Variants in SUFU observed in about 807,000 individuals in gnomAD.
SUFU encodes SUFU negative regulator of hedgehog signaling, also known as suppressor of fused homolog.
Under a neutral mutation model 58.9 loss-of-function variants are expected in SUFU, and 7 were observed. The observed-to-expected ratio is 0.12, with a 90% CI of 0.07 to 0.22. The LOEUF (loss-of-function observed/expected upper bound fraction) is 0.22. Among genes scored for constraint, SUFU ranks in the 10% least tolerant of loss-of-function variants. The pLI, the probability that SUFU is intolerant of heterozygous loss-of-function variation, is 1.00. For synonymous variants in SUFU, 232 were observed against 254.8 expected, an observed-to-expected ratio of 0.91 and a Z score of 0.85; for missense variants, 451 against 641.3, an observed-to-expected ratio of 0.70 and a Z score of 3.20.
intron 10 of SUFU, among the ~76,000 whole-genome samples, chr10:102,626,816 T>G (rs1327140622): frequency 6.6e-6 from 1 of 152,170 alleles, no homozygotes; most frequent in East Asian, 1.9e-4. Flanking sequence ...TTTAATTTTT[T>G]TTCCTTTTAA....
At chr10:102,518,789 C>T (rs1029026511) in intron 2 of SUFU, among the ~76,000 whole-genome samples, 2 of 151,744 alleles carry the variant, frequency 1.3e-5, no homozygotes, top group Middle Eastern at 3.4e-3. Context: ...TCAAGCCATC[C>T]CAAAGTGCTG....
chr10:102,565,336 C>T (rs776442962), intron 3 of SUFU, among the ~76,000 whole-genome samples: 8 of 152,132 alleles, frequency 5.3e-5, no homozygotes, highest in Non-Finnish European at 1.2e-4. Context: ...TCAGAGGTCC[C>T]GAGAAATGAG....
intron 1 of SUFU, among the ~76,000 whole-genome samples, chr10:102,508,757 G>A (rs913166553): frequency 6.6e-6 from 1 of 152,240 alleles, no homozygotes; most frequent in African/African-American, 2.4e-5. Context: ...CATTGGGGAT[G>A]CTTGGGATGG....
At chr10:102,610,866 G>A (rs1208643030) in intron 8 of SUFU, among the ~76,000 whole-genome samples, 1 of 152,206 alleles carries the variant, frequency 6.6e-6, no homozygotes, top group African/African-American at 2.4e-5. Flanking sequence ...GGGAGAACGG[G>A]TCCCAGGGCA....
chr10:102,524,214 C>T (rs562814837), intron 2 of SUFU, among the ~76,000 whole-genome samples: 2 of 152,060 alleles, frequency 1.3e-5, no homozygotes, highest in East Asian at 1.9e-4. Context: ...CTATGTTACC[C>T]AGGCTGGTCT....
intron 2 of SUFU, among the ~76,000 whole-genome samples, chr10:102,522,427 C>A (rs1440642036): frequency 6.6e-6 from 1 of 152,164 alleles, no homozygotes; most frequent in Non-Finnish European, 1.5e-5. Flanking sequence ...GGAATAAATA[C>A]CACACGCCTC....
intron 2 of SUFU, among the ~76,000 whole-genome samples, chr10:102,526,850 C>G (rs753618572): frequency 6.6e-6 from 1 of 151,970 alleles, no homozygotes; most frequent in African/African-American, 2.4e-5. Context: ...GAGGGCAGCA[C>G]GGACCTCGAA....
chr10:102,521,023 G>T (rs915493417), intron 2 of SUFU, among the ~76,000 whole-genome samples: 2 of 152,194 alleles, frequency 1.3e-5, no homozygotes, highest in Non-Finnish European at 2.9e-5. Context: ...TTAAGACTAT[G>T]TTTAGCTTTA....
At chr10:102,607,370 A>C (rs540667581) in intron 8 of SUFU, among the ~76,000 whole-genome samples, 10 of 152,222 alleles carry the variant, frequency 6.6e-5, no homozygotes, top group South Asian at 2.1e-4. Context: ...TTCTGATTTA[A>C]TTGGTGATAA....
intron 3 of SUFU, among the ~76,000 whole-genome samples, chr10:102,590,090 G>A (rs1210619249): frequency 6.7e-6 from 1 of 149,900 alleles, no homozygotes; most frequent in Non-Finnish European, 1.5e-5. Context: ...TGCATTTCTG[G>A]GATAGATTCT....
intron 2 of SUFU, among the ~76,000 whole-genome samples, chr10:102,511,369 C>A (rs1478277923): frequency 1.3e-5 from 2 of 151,502 alleles, no homozygotes; most frequent in Non-Finnish European, 2.9e-5. Flanking sequence ...ACTTTTTTGC[C>A]CCTTATACCA....
chr10:102,574,776 A>G (rs763968461), intron 3 of SUFU, among the ~76,000 whole-genome samples: 16 of 152,192 alleles, frequency 1.1e-4, no homozygotes, highest in South Asian at 2.1e-4. Context: ...AAGCCTTGAA[A>G]CAGGCCGGGC....
rs117922495 is a variant in SUFU, at chr10:102,625,676, C to T, written c.1297-1499C>T. On this transcript the variant is annotated intron_variant, in intron 10 of 11. Transcript: ENST00000369902. The surrounding 1 kb of genome is among the most constrained non-coding windows in gnomAD (Gnocchi z 4.7). ...GAGCAAATTACATAACCTGCCTGTG[C>T]CTGTTTCCTCCACTGTAAGGAGACA... Among the ~76,000 whole-genome samples the T allele has an allele frequency of 4.7e-3, 721 of 152,278 alleles. 1 individual carries two copies. The highest frequency in any genetic ancestry group is 7.5e-3 in the Non-Finnish European group (511 of 68,028).
At position 102,630,175 on chromosome 10, in the gene SUFU, T is replaced by G. The variant is rs4917980; in HGVS notation, c.*20T>G. On this transcript the variant is annotated 3_prime_UTR_variant, in exon 12 of 12. Transcript: ENST00000369902. ...CACTAGCCTGGGCTGGGCCCTGCAG[T>G]GGCCAGCAGGGAGCCCAGCTGCTCC... 1,611,489 of 1,612,130 alleles carry G rather than the reference T, an allele frequency of 1. 805,428 individuals are homozygous for G. The highest frequency in any genetic ancestry group is 1 in the East Asian group (44,842 of 44,842).
chr10:102,518,615 T>G (rs941032224), intron 2 of SUFU, among the ~76,000 whole-genome samples: 2 of 152,034 alleles, frequency 1.3e-5, no homozygotes, highest in Admixed American at 1.3e-4. Context: ...GGCTCCATCT[T>G]GGCTCACTGC....
chr10:102,535,372 G>C (rs1051103404), intron 2 of SUFU, among the ~76,000 whole-genome samples: 2 of 152,020 alleles, frequency 1.3e-5, no homozygotes, highest in East Asian at 3.9e-4. Context: ...TGTAGTCCCA[G>C]CTACTCAGGA....
At chr10:102,513,349 A>G (rs1365642263) in intron 2 of SUFU, among the ~76,000 whole-genome samples, 3 of 152,214 alleles carry the variant, frequency 2.0e-5, no homozygotes, top group African/African-American at 4.8e-5. Flanking sequence ...TCTGGCAACA[A>G]TTCTTCCACT....
intron 8 of SUFU, among the ~76,000 whole-genome samples, chr10:102,608,463 G>A (rs1360561348): frequency 6.6e-6 from 1 of 152,206 alleles, no homozygotes; most frequent in Admixed American, 6.5e-5. Context: ...TAGTGCCAAG[G>A]CAAGCCCAGG....
chr10:102,575,065 A>C (rs10883740), intron 3 of SUFU, among the ~76,000 whole-genome samples: 14,320 of 151,916 alleles, frequency 0.094, 1,205 homozygotes, highest in East Asian at 0.42. Context: ...CAAAAAAAAA[A>C]AAAAATTAGG....
Sources: allele counts gnomAD v4.1 joint callset (sites outside exome capture counted in the v4.1 genomes callset), GRCh38; gene constraint gnomAD v4.1.1; non-coding constraint Gnocchi (gnomAD v3.1); transcripts MANE v1.5; gene names NCBI Gene and HGNC (gene_info 2026-07-23, HGNC 2026-07-21).